Variants in LRMDA observed in about 807,000 individuals in gnomAD.
The protein encoded by LRMDA is leucine rich melanocyte differentiation associated.
A neutral mutation model predicts 29.8 loss-of-function variants in LRMDA; 18 were observed. That is an observed-to-expected ratio of 0.60 (90% CI 0.42 to 0.90). The LOEUF (loss-of-function observed/expected upper bound fraction) is 0.90, where lower values mean the gene tolerates loss of function less well. LRMDA is among the 40% of genes least tolerant of loss of function. The pLI is 0.00. For missense variants in LRMDA, 273 were observed against 273.9 expected (o/e 1.00, Z 0.02); for synonymous variants, 125 against 109.4 (o/e 1.14, Z -0.89).
intron 5 of LRMDA, among the ~76,000 whole-genome samples, chr10:76,160,529 A>G (rs1287946533): frequency 1.3e-5 from 2 of 152,150 alleles, no homozygotes; most frequent in East Asian, 3.9e-4. Context: ...GCTTGGGAGA[A>G]GAGGGAATAG....
intron 2 of LRMDA, among the ~76,000 whole-genome samples, chr10:75,602,333 A>T (rs1840897442): frequency 6.6e-6 from 1 of 152,332 alleles, no homozygotes; most frequent in African/African-American, 2.4e-5. Flanking sequence ...GGGATAGCAT[A>T]TGGACTGAAT....
At chr10:76,187,621 T>C (rs895535573) in intron 5 of LRMDA, among the ~76,000 whole-genome samples, 7 of 152,192 alleles carry the variant, frequency 4.6e-5, no homozygotes, top group Non-Finnish European at 1.5e-5. Flanking sequence ...TCTGGGAATA[T>C]GCTCTGCTCC....
At chr10:76,019,837 G>T (rs1001622589) in intron 2 of LRMDA, among the ~76,000 whole-genome samples, 1 of 152,156 alleles carries the variant, frequency 6.6e-6, no homozygotes. Context: ...ATATAGATTT[G>T]AGTTGGGGAA....
intron 5 of LRMDA, among the ~76,000 whole-genome samples, chr10:76,067,783 G>A (rs936709554): frequency 4.6e-5 from 7 of 152,186 alleles, no homozygotes; most frequent in Admixed American, 1.3e-4. Context: ...AATGACTGAC[G>A]TATGAGTAAA....
intron 6 of LRMDA, among the ~76,000 whole-genome samples, chr10:76,464,205 C>T (rs539692307): frequency 5.3e-5 from 8 of 152,210 alleles, no homozygotes; most frequent in East Asian, 1.9e-4. Context: ...AGGTGTAAGC[C>T]GCTGCGCCCG....
At chr10:75,971,669 C>T (rs773186120) in intron 2 of LRMDA, among the ~76,000 whole-genome samples, 6 of 152,152 alleles carry the variant, frequency 3.9e-5, no homozygotes, top group Non-Finnish European at 8.8e-5. Flanking sequence ...ACTGCAATTT[C>T]CTTCCATCTA....
At chr10:76,006,197 C>A (rs1847653004) in intron 2 of LRMDA, among the ~76,000 whole-genome samples, 1 of 152,144 alleles carries the variant, frequency 6.6e-6, no homozygotes, top group African/African-American at 2.4e-5. Context: ...GGAGTGTCCA[C>A]CCACTAATAT....
At chr10:76,504,450 A>G (rs942009796) in intron 6 of LRMDA, among the ~76,000 whole-genome samples, 44 of 151,750 alleles carry the variant, frequency 2.9e-4, no homozygotes, top group African/African-American at 8.9e-4. Context: ...TTCCATTATT[A>G]TTGTGTGGGT....
chr10:75,688,042 C>T (rs1344722754), intron 2 of LRMDA, among the ~76,000 whole-genome samples: 1 of 152,188 alleles, frequency 6.6e-6, no homozygotes, highest in Non-Finnish European at 1.5e-5. Flanking sequence ...CACATAATCA[C>T]CCAACAGTTC....
intron 2 of LRMDA, among the ~76,000 whole-genome samples, chr10:75,800,125 C>T (rs1379836904): frequency 1.3e-5 from 2 of 151,766 alleles, no homozygotes; most frequent in East Asian, 3.9e-4. Flanking sequence ...CTTCTTTTAC[C>T]TCTGTCTAGT....
intron 5 of LRMDA, among the ~76,000 whole-genome samples, chr10:76,176,787 C>T (rs933983357): frequency 2.5e-4 from 38 of 152,208 alleles, no homozygotes; most frequent in African/African-American, 7.0e-4. Flanking sequence ...AGCGAGACTC[C>T]GTCTCAAAAA....
intron 6 of LRMDA, among the ~76,000 whole-genome samples, chr10:76,380,313 T>A (rs1337579078): frequency 1.3e-5 from 2 of 152,240 alleles, no homozygotes; most frequent in Admixed American, 1.3e-4. Context: ...ATAGGTAATA[T>A]CTGTTTCTAA....
At chr10:76,150,673 G>T (rs1850424041) in intron 5 of LRMDA, among the ~76,000 whole-genome samples, 1 of 152,132 alleles carries the variant, frequency 6.6e-6, no homozygotes, top group Non-Finnish European at 1.5e-5. Flanking sequence ...CGAGCCTTGG[G>T]CCTTTGTCTT....
chr10:75,723,422 C>T (rs574300446), intron 2 of LRMDA, among the ~76,000 whole-genome samples: 3 of 152,346 alleles, frequency 2.0e-5, no homozygotes, highest in East Asian at 1.9e-4. Context: ...ATCACTATGA[C>T]GTTGAAAGAC....
chr10:75,843,538 G>A (rs773669848), intron 2 of LRMDA, among the ~76,000 whole-genome samples: 14 of 152,160 alleles, frequency 9.2e-5, no homozygotes, highest in Admixed American at 5.2e-4. Flanking sequence ...TTCAGCCCAG[G>A]CAAAGTGAGA....
chr10:76,278,316 G>A (rs1840161150), intron 5 of LRMDA, among the ~76,000 whole-genome samples: 1 of 152,118 alleles, frequency 6.6e-6, no homozygotes, highest in Admixed American at 6.5e-5. Flanking sequence ...TTCCTCGGCA[G>A]GTTTGGTCAT....
intron 5 of LRMDA, among the ~76,000 whole-genome samples, chr10:76,244,123 T>G (rs1483078955): frequency 6.6e-6 from 1 of 152,148 alleles, no homozygotes; most frequent in Admixed American, 6.6e-5. Flanking sequence ...TATACCAGTT[T>G]TATAATAAAT....
At chr10:75,783,038 C>G in intron 2 of LRMDA, 1 of 1,613,954 alleles carries the variant, frequency 6.2e-7, no homozygotes, top group South Asian at 1.1e-5. Flanking sequence ...CCAGACAGGA[C>G]CCTTAATCAA....
chr10:75,790,333 GA>G (rs1321225867), intron 2 of LRMDA, among the ~76,000 whole-genome samples: 1 of 152,190 alleles, frequency 6.6e-6, no homozygotes, highest in Non-Finnish European at 1.5e-5. Context: ...TACTGATCTA[GA>G]AGAAAGGAAA....
Sources: gnomAD v4.1 joint callset for allele counts (sites outside exome capture counted in the v4.1 genomes callset) on GRCh38, gnomAD v4.1.1 for gene constraint, MANE v1.5 for transcripts, NCBI Gene and HGNC (gene_info 2026-07-23, HGNC 2026-07-21) for gene names.